Variants in CAMTA1 observed in about 807,000 individuals in gnomAD.
CAMTA1 encodes calmodulin-binding transcription activator 1.
In CAMTA1, 27 loss-of-function variants were observed where a neutral mutation model predicts 170.9. The observed-to-expected ratio is 0.16, with a 90% confidence interval of 0.12 to 0.22. CAMTA1 has a LOEUF of 0.22. Among genes scored for constraint, CAMTA1 ranks in the 10% least tolerant of loss-of-function variants. CAMTA1 has a pLI of 1.00. For missense variants in CAMTA1, 1,619 were observed against 2,217.2 expected, an observed-to-expected ratio of 0.73 and a Z score of 5.42; for synonymous variants, 833 against 891.5, an observed-to-expected ratio of 0.93 and a Z score of 1.17.
chr1:7,706,666 C>A (rs1227016215), intron 11 of CAMTA1, among the ~76,000 whole-genome samples: 1 of 152,146 alleles, frequency 6.6e-6, no homozygotes. Context: ...TTACTTACAG[C>A]GTATGCATTT....
chr1:7,560,935 C>T (rs745672297), intron 6 of CAMTA1, among the ~76,000 whole-genome samples: 2 of 152,102 alleles, frequency 1.3e-5, no homozygotes, highest in African/African-American at 2.4e-5. Flanking sequence ...CAGATTTATC[C>T]AGCAGTGCCA....
intron 3 of CAMTA1, among the ~76,000 whole-genome samples, chr1:6,998,416 C>T (rs1278447103): frequency 1.3e-5 from 2 of 152,232 alleles, no homozygotes; most frequent in African/African-American, 4.8e-5. Context: ...CCCTGGAGCT[C>T]TGCGTGCTCT....
intron 6 of CAMTA1, among the ~76,000 whole-genome samples, chr1:7,557,138 C>A (rs1404596190): frequency 4.0e-5 from 6 of 151,786 alleles, no homozygotes; most frequent in Admixed American, 2.6e-4. Flanking sequence ...CGAAACCCGG[C>A]CTCTACTAAA....
At chr1:7,342,032 C>T (rs750602450) in intron 5 of CAMTA1, among the ~76,000 whole-genome samples, 1 of 152,232 alleles carries the variant, frequency 6.6e-6, no homozygotes, top group South Asian at 2.1e-4. Flanking sequence ...AGTCTTCATA[C>T]TGACCGTAGA....
chr1:7,198,409 T>C (rs1005066102), intron 4 of CAMTA1, among the ~76,000 whole-genome samples: 1 of 152,010 alleles, frequency 6.6e-6, no homozygotes, highest in Admixed American at 6.5e-5. Flanking sequence ...AGGCCTCTGC[T>C]TGCAAAGCTG....
intron 4 of CAMTA1, among the ~76,000 whole-genome samples, chr1:7,209,244 T>C (rs1658324361): frequency 1.3e-5 from 2 of 152,218 alleles, no homozygotes; most frequent in South Asian, 4.1e-4. Flanking sequence ...GAAGGATGTC[T>C]CCATGCCAAT....
intron 17 of CAMTA1, 31 bp from the exon 18 acceptor site, chr1:7,745,814 T>C (rs1441728068): frequency 6.2e-7 from 1 of 1,612,536 alleles, no homozygotes. Context: ...CAATCATTAA[T>C]CTGTCTCTCC....
chr1:7,579,105 T>C (rs1209113571), intron 6 of CAMTA1, among the ~76,000 whole-genome samples: 1 of 152,230 alleles, frequency 6.6e-6, no homozygotes, highest in African/African-American at 2.4e-5. Context: ...CATTGAGACC[T>C]GGGGCAACAG....
chr1:7,613,404 G>T (rs1008812131), intron 6 of CAMTA1, among the ~76,000 whole-genome samples: 11 of 152,240 alleles, frequency 7.2e-5, no homozygotes, highest in Non-Finnish European at 1.2e-4. Context: ...CACAGGAGAG[G>T]CCCAGCCTGG....
intron 4 of CAMTA1, among the ~76,000 whole-genome samples, chr1:7,185,092 C>A (rs1414986642): frequency 6.6e-6 from 1 of 152,236 alleles, no homozygotes; most frequent in Non-Finnish European, 1.5e-5. Context: ...GGGAGTTACA[C>A]ATATGGAAAG....
chr1:7,276,303 A>ATATTTTTTTT, intron 5 of CAMTA1, among the ~76,000 whole-genome samples: 9 of 24,230 alleles, frequency 3.7e-4, no homozygotes, highest in African/African-American at 1.5e-3. Flanking sequence ...ATATATATAT[A>ATATTTTTTTT]TTTTTTTTTT....
chr1:7,330,884 C>T (rs1237203697), intron 5 of CAMTA1, among the ~76,000 whole-genome samples: 1 of 152,144 alleles, frequency 6.6e-6, no homozygotes, highest in Non-Finnish European at 1.5e-5. Context: ...GCCTCATAGT[C>T]ACACCACCAG....
At chr1:7,180,511 CTTTTTT>C (rs397862259) in intron 4 of CAMTA1, among the ~76,000 whole-genome samples, 4 of 71,180 alleles carry the variant, frequency 5.6e-5, no homozygotes, top group Non-Finnish European at 7.2e-5. Context: ...TGTCACTAGA[CTTTTTT>C]TTTTTTTTTT....
intron 5 of CAMTA1, among the ~76,000 whole-genome samples, chr1:7,297,612 C>T (rs1250696281): frequency 6.6e-6 from 1 of 152,240 alleles, no homozygotes; most frequent in Admixed American, 6.5e-5. Flanking sequence ...AGGCAGACTT[C>T]TAGGGCCTAC....
At chr1:7,556,317 C>G (rs2094876500) in intron 6 of CAMTA1, among the ~76,000 whole-genome samples, 1 of 152,136 alleles carries the variant, frequency 6.6e-6, no homozygotes, top group Non-Finnish European at 1.5e-5. Flanking sequence ...CAGGCCAGTC[C>G]TTTGCTATCT....
intron 5 of CAMTA1, among the ~76,000 whole-genome samples, chr1:7,438,640 G>A (rs1203711328): frequency 2.0e-5 from 3 of 152,188 alleles, no homozygotes; most frequent in Non-Finnish European, 4.4e-5. Context: ...TGGCTGCAAT[G>A]CAGCTGTGGC....
intron 4 of CAMTA1, among the ~76,000 whole-genome samples, chr1:7,171,178 C>A (rs1467942993): frequency 6.6e-6 from 1 of 152,152 alleles, no homozygotes; most frequent in Non-Finnish European, 1.5e-5. Context: ...GAGGAAAATG[C>A]AGCTTGTTCC....
At chr1:7,011,649 T>C (rs1360788245) in intron 3 of CAMTA1, among the ~76,000 whole-genome samples, 1 of 152,172 alleles carries the variant, frequency 6.6e-6, no homozygotes, top group African/African-American at 2.4e-5. Context: ...CCCTGTCTAC[T>C]TCCTTCATGA....
chr1:7,585,512 C>T lies in CAMTA1; in HGVS notation c.511-54888C>T, dbSNP rs1460240147. ...AGGAGTGACGAGGCTACAGAGGTGA[C>T]CAGGACCAGATGGGTCCAGCCCATG... is the stretch of plus-strand genomic sequence containing the variant. On this transcript the variant is annotated intron_variant, in intron 6 of 22. Transcript: ENST00000303635. The surrounding 1 kb of genome is among the most constrained non-coding windows in gnomAD (Gnocchi z 4.8). Among the ~76,000 whole-genome samples, 4 of 151,978 alleles carry T rather than the reference C, an allele frequency of 2.6e-5. No individual in the cohort carries two copies. Among genetic ancestry groups the T allele is most frequent in the African/African-American group, 7.3e-5 (3 of 41,248 alleles).
Sources: allele counts gnomAD v4.1 joint callset (sites outside exome capture counted in the v4.1 genomes callset), GRCh38; gene constraint gnomAD v4.1.1; non-coding constraint Gnocchi (gnomAD v3.1); transcripts MANE v1.5; gene names NCBI Gene and HGNC (gene_info 2026-07-23, HGNC 2026-07-21).